The following ADAMTS12 variants were observed in gnomAD, a reference collection of about 807,000 sequenced individuals.
ADAMTS12 encodes the protein ADAM metallopeptidase with thrombospondin type 1 motif 12, also known as A disintegrin and metalloproteinase with thrombospondin motifs 12.
A neutral mutation model predicts 167.8 loss-of-function variants in ADAMTS12; 118 were observed. The ratio of observed to expected loss-of-function variants is 0.70; its 90% confidence interval spans 0.61 to 0.82. The LOEUF (loss-of-function observed/expected upper bound fraction) is 0.82, where lower values mean the gene tolerates loss of function less well. Among genes scored for constraint, ADAMTS12 ranks in the 40% least tolerant of loss-of-function variants. ADAMTS12 has a pLI of 0.00. For synonymous variants in ADAMTS12, 704 were observed against 716.9 expected (o/e 0.98, Z 0.29); for missense variants, 1,916 against 1,998.8 (o/e 0.96, Z 0.79).
chr5:33,590,460 G>A (rs1206372683), intron 17 of ADAMTS12, among the ~76,000 whole-genome samples: 2 of 152,104 alleles, frequency 1.3e-5, no homozygotes, highest in African/African-American at 4.8e-5. Flanking sequence ...ACTTGGAAAA[G>A]GATTTGGGAG....
intron 5 of ADAMTS12, among the ~76,000 whole-genome samples, chr5:33,675,462 C>A (rs895278829): frequency 1.3e-5 from 2 of 152,130 alleles, no homozygotes; most frequent in Admixed American, 1.3e-4. Context: ...CTGGAATAAC[C>A]TGAGAGATAG....
Position 33,658,224 on chromosome 5 carries a change from G to A in ADAMTS12, c.1150C>T (p.Leu384Phe). The A allele has an allele frequency of 6.2e-7, 1 of 1,613,700 alleles. No individual in the cohort carries two copies. Among genetic ancestry groups the A allele is most frequent in the Non-Finnish European group, 8.5e-7 (1 of 1,179,702 alleles). The change falls in exon 7 of 24, where the codon CTC becomes TTC. Residue 384 changes from leucine (L) to phenylalanine (F), a missense_variant. Coordinates refer to ENST00000504830, the MANE Select transcript of ADAMTS12 (RefSeq NM_030955.4). Reference protein sequence around the residue: ...RSCNINEDSGLPLAFTIAHEL... With the variant: ...RSCNINEDSGFPLAFTIAHEL... The stretch of plus-strand genomic sequence containing the variant: ...TGGGCAATTGTGAAAGCCAGAGGGA[G>A]TCCCGAATCTTCATTGATGTTACAA...
intron 21 of ADAMTS12, among the ~76,000 whole-genome samples, chr5:33,547,587 A>G (rs184344404): frequency 2.8e-4 from 43 of 152,238 alleles, no homozygotes; most frequent in Admixed American, 2.7e-3. Context: ...CGGGTACTCA[A>G]CTGACTTTTA....
chr5:33,859,187 A>G (rs995967888), intron 2 of ADAMTS12, among the ~76,000 whole-genome samples: 4 of 152,230 alleles, frequency 2.6e-5, no homozygotes, highest in Non-Finnish European at 5.9e-5. Flanking sequence ...AAGGGGGCTA[A>G]AGCCAGGGAG....
intron 2 of ADAMTS12, among the ~76,000 whole-genome samples, chr5:33,777,218 A>G (rs927049648): frequency 2.0e-5 from 3 of 152,136 alleles, no homozygotes. Context: ...CAAGGACACT[A>G]GAAGAAAAGA....
intron 15 of ADAMTS12, among the ~76,000 whole-genome samples, chr5:33,615,387 T>C (rs1190836293): frequency 6.6e-6 from 1 of 152,212 alleles, no homozygotes; most frequent in African/African-American, 2.4e-5. Context: ...GAAAGATAAA[T>C]TTCTTGGACC....
chr5:33,713,239 T>C (rs961162240), intron 3 of ADAMTS12, among the ~76,000 whole-genome samples: 1 of 152,160 alleles, frequency 6.6e-6, no homozygotes. Flanking sequence ...CATTGTTTTA[T>C]CAAGATTTTT....
intron 2 of ADAMTS12, among the ~76,000 whole-genome samples, chr5:33,838,981 G>A (rs1748637616): frequency 6.6e-6 from 1 of 152,142 alleles, no homozygotes. Context: ...CCCAATTCTG[G>A]CATTAACCTG....
intron 3 of ADAMTS12, among the ~76,000 whole-genome samples, chr5:33,735,222 A>C (rs1368040529): frequency 1.3e-5 from 2 of 152,158 alleles, no homozygotes; most frequent in African/African-American, 4.8e-5. Flanking sequence ...TCCAAAGTTA[A>C]AATGCAGATA....
At chr5:33,746,063 C>G (rs1364167313) in intron 3 of ADAMTS12, among the ~76,000 whole-genome samples, 1 of 152,108 alleles carries the variant, frequency 6.6e-6, no homozygotes, top group Non-Finnish European at 1.5e-5. Context: ...AAATATAGAG[C>G]AATAATTAAA....
In ADAMTS12 at chr5:33,556,180, G is replaced by A. The variant is rs76048284; in HGVS notation, c.4125+4847C>T. Reference sequence around the variant, plus strand: ...AGGCAATATCATCCACTTCATTTCAGGGGTGAGAAAACTAAAGCTCCTAAG... The same window carrying A: ...AGGCAATATCATCCACTTCATTTCAAGGGTGAGAAAACTAAAGCTCCTAAG... On this transcript the variant is annotated intron_variant, in intron 20 of 23. Transcript: ENST00000504830. Among the ~76,000 whole-genome samples the A allele has an allele frequency of 2.7e-3, 414 of 152,294 alleles. 4 individuals carry two copies. The highest frequency in any genetic ancestry group is 3.4e-3 in the Middle Eastern group (1 of 294).
chr5:33,556,318 A>G (rs936399492), intron 20 of ADAMTS12, among the ~76,000 whole-genome samples: 1 of 152,182 alleles, frequency 6.6e-6, no homozygotes, highest in Admixed American at 6.5e-5. Context: ...GCATAATTGC[A>G]TTTTTCCAAG....
At chr5:33,759,541 C>T (rs534563933) in intron 2 of ADAMTS12, among the ~76,000 whole-genome samples, 62 of 152,114 alleles carry the variant, frequency 4.1e-4, no homozygotes, top group Admixed American at 8.5e-4. Context: ...CCAAACAGTG[C>T]CAACCTTCAG....
At chr5:33,802,226 T>C (rs1369000245) in intron 2 of ADAMTS12, among the ~76,000 whole-genome samples, 1 of 152,230 alleles carries the variant, frequency 6.6e-6, no homozygotes, top group East Asian at 1.9e-4. Flanking sequence ...TATAGTATTT[T>C]GTTATAGCAG....
intron 2 of ADAMTS12, among the ~76,000 whole-genome samples, chr5:33,789,458 G>A (rs747931571): frequency 5.3e-5 from 8 of 152,204 alleles, no homozygotes; most frequent in South Asian, 2.1e-4. Context: ...TCTCTAGACC[G>A]CTCTCAGGGT....
rs568829619 is a variant in ADAMTS12, at chr5:33,690,563, G to T, written c.635-6508C>A. 2.0e-5 allele frequency among the ~76,000 whole-genome samples: 3 copies of T among 152,112 alleles called. No homozygotes were observed. In the East Asian group the frequency reaches 5.8e-4, roughly 29 times the overall value. On this transcript the variant is annotated intron_variant, in intron 3 of 23. Transcript: ENST00000504830. ...ATATGTCAAAAAGGAAGATGGAAAT[G>T]GTAGATCATTTGGGACACATGACTC...
intron 19 of ADAMTS12, 35 bp downstream of exon 19, chr5:33,576,019 A>G (rs2111960939): frequency 1.3e-6 from 2 of 1,563,384 alleles, no homozygotes; most frequent in Admixed American, 2.0e-5. Context: ...GCTTTTTTCC[A>G]TGTAAAACCA....
chr5:33,547,454 C>A (rs1745037628), intron 21 of ADAMTS12, among the ~76,000 whole-genome samples: 2 of 152,034 alleles, frequency 1.3e-5, no homozygotes, highest in Non-Finnish European at 2.9e-5. Context: ...ATGCATCTGC[C>A]ATGGAGGGTA....
rs979859974 is a variant in ADAMTS12, at chr5:33,648,846, A to T, written c.1455T>A (p.Asn485Lys). 4.3e-6 allele frequency: 7 copies of T among 1,613,950 alleles called. No individual in the cohort carries two copies. In the African/African-American group the frequency reaches 9.3e-5, roughly 22 times the overall value. Residue 485 changes from asparagine to lysine, a missense_variant, in exon 9 of 24, where the codon AAT becomes AAA. Coordinates refer to ENST00000504830, the MANE Select transcript of ADAMTS12 (RefSeq NM_030955.4). Reference protein sequence around the residue: ...HHQCQLQYGPNATFCQEVENV... With the variant: ...HHQCQLQYGPKATFCQEVENV... The stretch of plus-strand genomic sequence containing the variant: ...CTTCTACTTCCTGGCAGAAGGTAGC[A>T]TTGGGTCCATATTGTAGCTGGCACT...
Sources: allele counts gnomAD v4.1 joint callset (sites outside exome capture counted in the v4.1 genomes callset), GRCh38; gene constraint gnomAD v4.1.1; transcripts MANE v1.5; gene names NCBI Gene and HGNC (gene_info 2026-07-23, HGNC 2026-07-21).